Variants in RGPD8 observed in about 807,000 individuals in gnomAD.
RGPD8 encodes RANBP2 like and GRIP domain containing 8.
Under a neutral mutation model 89.1 loss-of-function variants are expected in RGPD8, and 15 were observed. That is an observed-to-expected ratio of 0.17 (90% confidence interval 0.11 to 0.26). The LOEUF is 0.26. Among genes scored for constraint, RGPD8 ranks in the 10% least tolerant of loss-of-function variants. The pLI is 1.00. For missense variants in RGPD8, 178 were observed against 1,179.6 expected (o/e 0.15, Z 12.44); for synonymous variants, 62 against 420.9 (o/e 0.15, Z 10.44).
At chr2:112,377,137 AAAAC>A (rs993904694) in intron 22 of RGPD8, among the ~76,000 whole-genome samples, 6 of 71,424 alleles carry the variant, frequency 8.4e-5, no homozygotes, top group Non-Finnish European at 1.4e-4. Flanking sequence ...ATTTAAAACT[AAAAC>A]AAAAACGAAA....
chr2:112,370,359 GTTCT>G (rs1677925980), intron 22 of RGPD8, 147 bp from the exon 23 acceptor site: 8 of 101,350 alleles, frequency 7.9e-5, no homozygotes, highest in East Asian at 4.6e-4. Context: ...GGGGGGGGGG[GTTCT>G]TTTTTTTTTT....
chr2:112,428,712 C>T (rs1679884472), intron 1 of RGPD8, among the ~76,000 whole-genome samples: 1 of 152,118 alleles, frequency 6.6e-6, no homozygotes, highest in African/African-American at 2.4e-5. Flanking sequence ...ATCAATCAAT[C>T]AATCAATGTT....
chr2:112,385,938 A>C (rs1465699271), intron 20 of RGPD8, among the ~76,000 whole-genome samples: 1 of 152,286 alleles, frequency 6.6e-6, no homozygotes, highest in African/African-American at 2.4e-5. Context: ...TTTAAATTAC[A>C]TACACAGGTT....
At chr2:112,429,854 C>T (rs1244346656) in intron 1 of RGPD8, among the ~76,000 whole-genome samples, 1 of 152,128 alleles carries the variant, frequency 6.6e-6, no homozygotes, top group Non-Finnish European at 1.5e-5. Flanking sequence ...GTCACACAGG[C>T]TGGAGTGCAG....
intron 7 of RGPD8, among the ~76,000 whole-genome samples, chr2:112,410,527 C>T (rs1429333206): frequency 7.9e-5 from 12 of 151,950 alleles, no homozygotes; most frequent in African/African-American, 2.9e-4. Flanking sequence ...CCTGTAATCC[C>T]AGCACTTTGA....
At chr2:112,432,616 G>T in intron 1 of RGPD8, 1 of 985,196 alleles carries the variant, frequency 1.0e-6, no homozygotes, top group East Asian at 1.1e-4. Flanking sequence ...TACGACCTCC[G>T]CCGCGGCATA....
chr2:112,411,253 G>A (rs1330049625), intron 7 of RGPD8, among the ~76,000 whole-genome samples: 1 of 136,276 alleles, frequency 7.3e-6, no homozygotes, highest in East Asian at 2.1e-4. Context: ...CGAAAGTTAT[G>A]CAAGCTCATT....
At chr2:112,408,973 T>C (rs1679059174) in intron 7 of RGPD8, among the ~76,000 whole-genome samples, 1 of 147,480 alleles carries the variant, frequency 6.8e-6, no homozygotes, top group Non-Finnish European at 1.5e-5. Flanking sequence ...CGCCTGGCTA[T>C]TTCCTCATCT....
chr2:112,430,466 C>T (rs1176227961), intron 1 of RGPD8, among the ~76,000 whole-genome samples: 9 of 152,066 alleles, frequency 5.9e-5, no homozygotes, highest in Admixed American at 5.9e-4. Flanking sequence ...AAAAAAGACT[C>T]TAAGTGTAAG....
intron 6 of RGPD8, among the ~76,000 whole-genome samples, chr2:112,413,076 T>C (rs1341103218): frequency 7.8e-6 from 1 of 127,462 alleles, no homozygotes; most frequent in African/African-American, 3.4e-5. Flanking sequence ...AATACAGCAA[T>C]TGCTCTTTTT....
chr2:112,371,288 A>C (rs1476160896), intron 22 of RGPD8, among the ~76,000 whole-genome samples: 1 of 80,478 alleles, frequency 1.2e-5, no homozygotes, highest in Non-Finnish European at 2.5e-5. Context: ...AAGGCCTGGC[A>C]CATTTTCATC....
At chr2:112,427,137 T>A (rs549321782) in intron 1 of RGPD8, among the ~76,000 whole-genome samples, 65 of 152,116 alleles carry the variant, frequency 4.3e-4, no homozygotes, top group African/African-American at 1.5e-3. Context: ...CAAGGTACAA[T>A]GCCAAAACAT....
intron 1 of RGPD8, among the ~76,000 whole-genome samples, chr2:112,432,842 G>T (rs983726542): frequency 2.0e-5 from 3 of 152,238 alleles, no homozygotes; most frequent in African/African-American, 7.2e-5. Context: ...CTCTTCCTGC[G>T]CTTGCAAGCG....
chr2:112,410,475 G>A (rs557504147), intron 7 of RGPD8, among the ~76,000 whole-genome samples: 6 of 151,754 alleles, frequency 4.0e-5, no homozygotes, highest in Admixed American at 6.5e-5. Context: ...GTCTATCAAC[G>A]GTGTTTTTAA....
intron 20 of RGPD8, among the ~76,000 whole-genome samples, chr2:112,381,879 C>T (rs1454986941): frequency 6.6e-6 from 1 of 152,278 alleles, no homozygotes; most frequent in Admixed American, 6.5e-5. Flanking sequence ...TCCATTTGGA[C>T]AGTGTGATGG....
chr2:112,389,244 G>A lies in RGPD8; in HGVS notation c.3701C>T (p.Thr1234Ile). 1 of 1,570,420 alleles carries A rather than the reference G, an allele frequency of 6.4e-7. No individual in the cohort carries two copies. Among genetic ancestry groups the A allele is most frequent in the Non-Finnish European group, 8.7e-7 (1 of 1,149,944 alleles). The change falls in exon 20 of 23, where the codon ACA becomes ATA. Residue 1234 changes from threonine to isoleucine, a missense_variant. Coordinates refer to ENST00000302558, the MANE Select transcript of RGPD8 (RefSeq NM_001164463.1). The part of the protein sequence containing the change: ...GTGVAGASDT[T>I]IKPNAENTGP... ...AGTGTTTTCAGCATTGGGTTTTATTGTTGTGTCTGAGGCACCGGCCACACC... is the reference window on the plus strand; with the variant it reads ...AGTGTTTTCAGCATTGGGTTTTATTATTGTGTCTGAGGCACCGGCCACACC...
chr2:112,430,297 C>T (rs1288747127), intron 1 of RGPD8, among the ~76,000 whole-genome samples: 4 of 152,124 alleles, frequency 2.6e-5, no homozygotes, highest in Non-Finnish European at 5.9e-5. Flanking sequence ...GCCTCTTCTC[C>T]CTCCATTCTT....
intron 13 of RGPD8, 122 bp downstream of exon 13, chr2:112,399,913 AT>A: frequency 1.2e-6 from 1 of 828,686 alleles, no homozygotes; most frequent in Non-Finnish European, 1.7e-6. Context: ...GAGCTAGTGA[AT>A]TTAGAAAACA....
chr2:112,423,657 T>C (rs1227743142), intron 2 of RGPD8, among the ~76,000 whole-genome samples: 1 of 142,116 alleles, frequency 7.0e-6, no homozygotes, highest in East Asian at 2.1e-4. Context: ...TGAGCAAAGA[T>C]GGAGCCAGCT....
Sources: allele counts gnomAD v4.1 joint callset (sites outside exome capture counted in the v4.1 genomes callset), GRCh38; gene constraint gnomAD v4.1.1; transcripts MANE v1.5; gene names NCBI Gene and HGNC (gene_info 2026-07-23, HGNC 2026-07-21).